PPP3CB: variants seen among roughly 807,000 people sequenced by gnomAD.
The protein encoded by PPP3CB is protein phosphatase 3 catalytic subunit beta, also known as serine/threonine-protein phosphatase 2B catalytic subunit beta isoform.
PPP3CB carries 8 observed loss-of-function variants against 66.4 expected under a neutral mutation model. The ratio of observed to expected loss-of-function variants is 0.12; its 90% CI spans 0.07 to 0.22. The LOEUF is 0.22. PPP3CB is among the 10% of genes least tolerant of loss of function. The probability of loss-of-function intolerance (pLI) is 1.00; values close to 1 mark genes in which losing one functional copy is unlikely to be tolerated. For synonymous variants in PPP3CB, 208 were observed against 221.2 expected, an observed-to-expected ratio of 0.94 and a Z score of 0.53; for missense variants, 319 against 642.5, an observed-to-expected ratio of 0.50 and a Z score of 5.44.
chr10:73,478,432 T>C, intron 3 of PPP3CB, 67 bp downstream of exon 3: 2 of 1,435,452 alleles, frequency 1.4e-6, no homozygotes, highest in Non-Finnish European at 1.9e-6. Context: ...TTGTGAAAAC[T>C]AGGATTAAGT....
intron 12 of PPP3CB, among the ~76,000 whole-genome samples, chr10:73,443,564 G>T (rs1447274567): frequency 6.6e-6 from 1 of 152,146 alleles, no homozygotes; most frequent in Non-Finnish European, 1.5e-5. Flanking sequence ...GCTGTCAAAA[G>T]TGACTACAAG....
chr10:73,452,061 TA>T (rs879467591), intron 10 of PPP3CB, among the ~76,000 whole-genome samples: 7 of 147,356 alleles, frequency 4.8e-5, no homozygotes, highest in Middle Eastern at 3.2e-3. Flanking sequence ...CCTCATCTCT[TA>T]AAAAAAAAAA....
At chr10:73,441,112 G>A (rs1198155530) in intron 12 of PPP3CB, among the ~76,000 whole-genome samples, 1 of 152,084 alleles carries the variant, frequency 6.6e-6, no homozygotes, top group African/African-American at 2.4e-5. Context: ...TGATCTTTTA[G>A]CAATTAACAT....
chr10:73,472,050 CAA>C (rs1267741343), intron 4 of PPP3CB, among the ~76,000 whole-genome samples: 1 of 152,110 alleles, frequency 6.6e-6, no homozygotes, highest in Non-Finnish European at 1.5e-5. Context: ...CAAAAATATG[CAA>C]AGTTATCTGT....
chr10:73,464,482 G>C (rs1178901466), intron 9 of PPP3CB, among the ~76,000 whole-genome samples: 1 of 152,046 alleles, frequency 6.6e-6, no homozygotes, highest in Non-Finnish European at 1.5e-5. Context: ...CTAGAACAGA[G>C]GTTCTTAAAG....
chr10:73,465,574 T>C (rs1006479287), intron 9 of PPP3CB, among the ~76,000 whole-genome samples: 1 of 151,842 alleles, frequency 6.6e-6, no homozygotes. Flanking sequence ...TAAAAAAAAA[T>C]AGTGGGGGTT....
intron 8 of PPP3CB, among the ~76,000 whole-genome samples, chr10:73,468,722 G>A (rs2056658481): frequency 6.6e-6 from 1 of 152,014 alleles, no homozygotes; most frequent in Admixed American, 6.6e-5. Flanking sequence ...CCTGCTACAT[G>A]TTACTGTTTA....
intron 10 of PPP3CB, among the ~76,000 whole-genome samples, chr10:73,454,148 C>T (rs972329633): frequency 1.3e-5 from 2 of 152,144 alleles, no homozygotes; most frequent in Non-Finnish European, 2.9e-5. Flanking sequence ...CCTTTTAACA[C>T]TTCAATTTTC....
At chr10:73,481,155 A>AT (rs1162942192) in intron 1 of PPP3CB, among the ~76,000 whole-genome samples, 4 of 146,670 alleles carry the variant, frequency 2.7e-5, no homozygotes, top group Non-Finnish European at 4.5e-5. Context: ...CTCTTTCCAG[A>AT]TTTTTTTTTC....
chr10:73,482,372 G>A (rs891100580), intron 1 of PPP3CB, among the ~76,000 whole-genome samples: 2 of 151,340 alleles, frequency 1.3e-5, no homozygotes, highest in African/African-American at 2.4e-5. Context: ...GTGAAACCCC[G>A]TCTCTACTAA....
intron 8 of PPP3CB, among the ~76,000 whole-genome samples, chr10:73,468,110 T>C (rs1345538070): frequency 1.3e-5 from 2 of 152,170 alleles, no homozygotes; most frequent in Non-Finnish European, 2.9e-5. Context: ...CTGAAAAGGA[T>C]AGCTGAATGG....
chr10:73,477,259 T>G, intron 3 of PPP3CB: 1 of 515,306 alleles, frequency 1.9e-6, no homozygotes, highest in Non-Finnish European at 3.9e-6. Flanking sequence ...GGTAGAAATT[T>G]GACCCCACAA....
At chr10:73,490,378 T>C (rs2057052547) in intron 1 of PPP3CB, among the ~76,000 whole-genome samples, 1 of 152,262 alleles carries the variant, frequency 6.6e-6, no homozygotes, top group African/African-American at 2.4e-5. Flanking sequence ...TATTTTATAT[T>C]TTGTACTTTT....
chr10:73,450,090 G>A (rs1043446842), intron 10 of PPP3CB, among the ~76,000 whole-genome samples: 2 of 152,130 alleles, frequency 1.3e-5, no homozygotes, highest in Admixed American at 6.5e-5. Flanking sequence ...GAGCCACCGC[G>A]CCCGGCCATC....
In PPP3CB at chr10:73,467,800, G is replaced by C; in HGVS notation, c.983-122C>G. The C allele has an allele frequency of 9.0e-6, 8 of 890,958 alleles. No individual in the cohort carries two copies. The South Asian group carries it at 1.3e-4, about 14-fold the overall frequency. The allele number at this position is 890,958 out of a possible 1,614,324, so 55.2% of individuals were successfully genotyped here. On this transcript the variant is annotated intron_variant, in intron 8 of 13. Transcript: ENST00000360663. Reference sequence around the variant, plus strand: ...GAGGAAGGGAGATCGGGGGTGAGTGGAATCAGGGCTGGTAGAGGGAGGAAG... The same window carrying C: ...GAGGAAGGGAGATCGGGGGTGAGTGCAATCAGGGCTGGTAGAGGGAGGAAG...
At chr10:73,457,737 CAAA>C (rs200840556) in intron 9 of PPP3CB, among the ~76,000 whole-genome samples, 11 of 87,802 alleles carry the variant, frequency 1.3e-4, no homozygotes, top group Non-Finnish European at 1.3e-4. Context: ...GACCCTGTCT[CAAA>C]AAAAAAAAAA....
At chr10:73,444,687 G>C in intron 12 of PPP3CB, 38 bp downstream of exon 12, 1 of 1,613,550 alleles carries the variant, frequency 6.2e-7, no homozygotes, top group South Asian at 1.1e-5. Context: ...GTGTGCCCCA[G>C]TCCATCTGAG....
chr10:73,469,491 G>A (rs1483934799), intron 8 of PPP3CB, among the ~76,000 whole-genome samples: 4 of 152,140 alleles, frequency 2.6e-5, no homozygotes, highest in Non-Finnish European at 5.9e-5. Context: ...GCAGTCGGCC[G>A]AGACTGCACC....
chr10:73,461,992 C>A (rs1324862903), intron 9 of PPP3CB, among the ~76,000 whole-genome samples: 2 of 152,126 alleles, frequency 1.3e-5, no homozygotes, highest in Non-Finnish European at 2.9e-5. Flanking sequence ...TTCCCCCTCG[C>A]TCTCTTGCTC....
Sources: gnomAD v4.1 joint callset for allele counts (sites outside exome capture counted in the v4.1 genomes callset) on GRCh38, gnomAD v4.1.1 for gene constraint, MANE v1.5 for transcripts, NCBI Gene and HGNC (gene_info 2026-07-23, HGNC 2026-07-21) for gene names.